The following XKR4 variants were observed in gnomAD, a reference collection of about 807,000 sequenced individuals.
XKR4 encodes XK related 4.
XKR4 carries 12 observed loss-of-function variants against 53.9 expected under a neutral mutation model. The observed-to-expected ratio is 0.22, with a 90% confidence interval of 0.14 to 0.36. The LOEUF (loss-of-function observed/expected upper bound fraction) is 0.36, where lower values mean the gene tolerates loss of function less well. Among genes scored for constraint, XKR4 ranks in the 10% least tolerant of loss-of-function variants. XKR4 has a pLI of 1.00. For synonymous variants in XKR4, 354 were observed against 362.4 expected (o/e 0.98, Z 0.26); for missense variants, 799 against 859.5 (o/e 0.93, Z 0.88).
chr8:55,260,094 C>T (rs953420697), intron 1 of XKR4, among the ~76,000 whole-genome samples: 7 of 152,160 alleles, frequency 4.6e-5, no homozygotes, highest in African/African-American at 1.7e-4. Context: ...TGGATTTTTT[C>T]ACTGGCTGTA....
At chr8:55,362,698 G>A (rs150774612) in intron 2 of XKR4, among the ~76,000 whole-genome samples, 4 of 152,322 alleles carry the variant, frequency 2.6e-5, no homozygotes, top group Non-Finnish European at 4.4e-5. Flanking sequence ...AAAATGAGCA[G>A]TCAGTTTTAG....
At chr8:55,167,217 GT>G (rs377663807) in intron 1 of XKR4, among the ~76,000 whole-genome samples, 141 of 152,272 alleles carry the variant, frequency 9.3e-4, no homozygotes, top group African/African-American at 3.2e-3. Context: ...GAAAGGATGA[GT>G]TTTTTGGAGA....
rs1806884405 is a variant in XKR4 at position 55,526,479 on chromosome 8, GC to G, written c.*2255del. The G allele has an allele frequency of 6.6e-6, 1 of 152,130 alleles. No homozygotes were observed. Among genetic ancestry groups the G allele is most frequent in the African/African-American group, 2.4e-5 (1 of 41,420 alleles). The allele number at this position is 152,130 out of a possible 1,614,324, so 9.4% of individuals were successfully genotyped here. Reference sequence around the variant, plus strand: ...AAAGATTACCTAGTCACCAGTAAAGGCCCAGGAAAAGGCTCTTCTTGTCAGC... The same window carrying G: ...AAAGATTACCTAGTCACCAGTAAAGGCCAGGAAAAGGCTCTTCTTGTCAGC... On this transcript the variant is annotated 3_prime_UTR_variant, in exon 3 of 3. Coordinates refer to ENST00000327381, the MANE Select transcript of XKR4 (RefSeq NM_052898.2).
At chr8:55,342,588 A>G (rs74619143) in intron 1 of XKR4, among the ~76,000 whole-genome samples, 12,625 of 151,640 alleles carry the variant, frequency 0.083, 1,539 homozygotes, top group African/African-American at 0.27. Context: ...TCCACCACTC[A>G]TCTCCCTGAT....
At chr8:55,262,366 T>C (rs1818538357) in intron 1 of XKR4, among the ~76,000 whole-genome samples, 2 of 152,134 alleles carry the variant, frequency 1.3e-5, no homozygotes. Flanking sequence ...ATCTAATAAG[T>C]GGTTATTATG....
rs533537402 is a variant in XKR4 at position 55,223,430 on chromosome 8, G to A, written c.806+120136G>A. Among the ~76,000 whole-genome samples, 26 of 152,198 alleles carry A rather than the reference G, an allele frequency of 1.7e-4. 1 individual carries two copies. Among genetic ancestry groups the A allele is most frequent in the Middle Eastern group, 6.8e-3 (2 of 294 alleles). On this transcript the variant is annotated intron_variant, in intron 1 of 2. Transcript: ENST00000327381. ...ACTTACAAGATAAAAATGTGACTTC[G>A]TACCCTACTCCAGTTTACAGTCCAC...
intron 1 of XKR4, among the ~76,000 whole-genome samples, chr8:55,262,591 T>C (rs1818541169): frequency 1.3e-5 from 2 of 152,202 alleles, no homozygotes; most frequent in African/African-American, 4.8e-5. Flanking sequence ...AGGGACATAG[T>C]GAGAAGACAA....
At chr8:55,119,566 C>T (rs1423164441) in intron 1 of XKR4, among the ~76,000 whole-genome samples, 3 of 152,044 alleles carry the variant, frequency 2.0e-5, no homozygotes, top group Admixed American at 6.6e-5. Context: ...TTAAGGAATC[C>T]GAAGTTGACT....
Position 55,539,405 on chromosome 8 carries a change from A to G in XKR4, c.*15178A>G, listed in dbSNP as rs979640396. On this transcript the variant is annotated 3_prime_UTR_variant, in exon 3 of 3. Coordinates refer to ENST00000327381, the MANE Select transcript of XKR4 (RefSeq NM_052898.2). ...TACCTTGAGAAGTGGGTTTGAAATC[A>G]TCTTGTGCTTGGAGCTGACATAAGA... is the stretch of plus-strand genomic sequence containing the variant. 1.3e-5 allele frequency: 2 copies of G among 152,202 alleles called. No individual in the cohort carries two copies. The highest frequency in any genetic ancestry group is 4.8e-5 in the African/African-American group (2 of 41,460). The allele number at this position is 152,202 out of a possible 1,614,324, so 9.4% of individuals were successfully genotyped here.
At chr8:55,482,662 G>A (rs546333841) in intron 2 of XKR4, among the ~76,000 whole-genome samples, 1 of 152,132 alleles carries the variant, frequency 6.6e-6, no homozygotes, top group Admixed American at 6.5e-5. Flanking sequence ...TTATATGTTG[G>A]ATTTTGTAAA....
In XKR4 at chr8:55,525,024, T is replaced by C. The variant is rs1806862739; in HGVS notation, c.*797T>C. ...ATTAAATAGTAATCATGATTCAGTA[T>C]TCAATTGCAAAAATGTAACAGGTAC... On this transcript the variant is annotated 3_prime_UTR_variant, in exon 3 of 3. Transcript: ENST00000327381. The C allele has an allele frequency of 1.3e-5, 2 of 152,648 alleles. No homozygotes were observed. Among genetic ancestry groups the C allele is most frequent in the Non-Finnish European group, 2.9e-5 (2 of 68,032 alleles). 9.5% of individuals were successfully genotyped at this position (152,648 alleles called of 1,614,324 possible).
chr8:55,282,859 C>T (rs1406068277), intron 1 of XKR4, among the ~76,000 whole-genome samples: 3 of 152,228 alleles, frequency 2.0e-5, no homozygotes, highest in African/African-American at 7.2e-5. Flanking sequence ...AGTTTCCAGT[C>T]CTTCAAGTTC....
intron 2 of XKR4, among the ~76,000 whole-genome samples, chr8:55,416,724 T>A (rs578246725): frequency 1.3e-5 from 2 of 152,340 alleles, no homozygotes; most frequent in Admixed American, 6.5e-5. Flanking sequence ...CGTTTAGCTA[T>A]ATTGTATCTA....
intron 1 of XKR4, among the ~76,000 whole-genome samples, chr8:55,289,020 A>G (rs1188815909): frequency 6.6e-6 from 1 of 152,196 alleles, no homozygotes; most frequent in Admixed American, 6.5e-5. Flanking sequence ...CAAGTAGTGC[A>G]CCATGGTATA....
At chr8:55,281,493 A>T (rs1763485349) in intron 1 of XKR4, among the ~76,000 whole-genome samples, 1 of 152,208 alleles carries the variant, frequency 6.6e-6, no homozygotes, top group Admixed American at 6.5e-5. Context: ...CTACAGTTAA[A>T]TAAGAAAAAA....
At chr8:55,351,154 C>T (rs561893342) in intron 1 of XKR4, among the ~76,000 whole-genome samples, 6 of 152,136 alleles carry the variant, frequency 3.9e-5, no homozygotes, top group South Asian at 2.1e-4. Context: ...ATAATTAGGA[C>T]GGTAAATTTT....
chr8:55,186,071 A>G (rs1817373001), intron 1 of XKR4, among the ~76,000 whole-genome samples: 2 of 152,190 alleles, frequency 1.3e-5, no homozygotes, highest in African/African-American at 4.8e-5. Flanking sequence ...AAAGTCTAAA[A>G]CAGTGTGGTA....
At chr8:55,402,679 G>A (rs774817081) in intron 2 of XKR4, among the ~76,000 whole-genome samples, 2 of 152,164 alleles carry the variant, frequency 1.3e-5, no homozygotes, top group African/African-American at 2.4e-5. Context: ...GCATGTCGTG[G>A]GGCAAAACTG....
intron 2 of XKR4, among the ~76,000 whole-genome samples, chr8:55,430,071 A>G (rs1032152419): frequency 6.6e-6 from 1 of 152,226 alleles, no homozygotes; most frequent in African/African-American, 2.4e-5. Context: ...GGGAAATGCA[A>G]ATTAAAGCTA....
Sources: allele counts gnomAD v4.1 joint callset (sites outside exome capture counted in the v4.1 genomes callset), GRCh38; gene constraint gnomAD v4.1.1; transcripts MANE v1.5; gene names NCBI Gene and HGNC (gene_info 2026-07-23, HGNC 2026-07-21).